Variants in ADGRL2 observed in about 807,000 individuals in gnomAD.
ADGRL2 encodes the protein calcium-independent alpha-latrotoxin receptor 2.
In ADGRL2, 44 loss-of-function variants were observed where a neutral mutation model predicts 157.4. The observed-to-expected ratio is 0.28, with a 90% CI of 0.22 to 0.36. ADGRL2 has a LOEUF of 0.36. Among genes scored for constraint, ADGRL2 ranks in the 10% least tolerant of loss-of-function variants. ADGRL2 has a pLI of 1.00. For synonymous variants in ADGRL2, 585 were observed against 624.7 expected, an observed-to-expected ratio of 0.94 and a Z score of 0.95; for missense variants, 1,510 against 1,768.9, an observed-to-expected ratio of 0.85 and a Z score of 2.63.
chr1:81,654,772 G>T (rs960167471), intron 3 of ADGRL2, among the ~76,000 whole-genome samples: 1 of 152,146 alleles, frequency 6.6e-6, no homozygotes, highest in East Asian at 1.9e-4. Context: ...AATCTATGAA[G>T]TAGATGGCTG....
At chr1:81,525,324 C>CT (rs545415874) in intron 2 of ADGRL2, among the ~76,000 whole-genome samples, 13,593 of 146,240 alleles carry the variant, frequency 0.093, 684 homozygotes, top group South Asian at 0.12. Context: ...CCAAAGTGCA[C>CT]TTTTTTTTTT....
intron 2 of ADGRL2, among the ~76,000 whole-genome samples, chr1:81,538,117 T>C (rs1233176860): frequency 6.6e-6 from 1 of 152,174 alleles, no homozygotes; most frequent in Non-Finnish European, 1.5e-5. Context: ...TGGGCTTGGG[T>C]ATTTAACAAG....
chr1:81,335,683 T>C, intron 1 of ADGRL2, among the ~76,000 whole-genome samples: 1 of 152,174 alleles, frequency 6.6e-6, no homozygotes, highest in East Asian at 1.9e-4. Flanking sequence ...AAATCAGTCT[T>C]GGAAGGAGGA....
chr1:81,683,510 C>T (rs557381387), intron 3 of ADGRL2, among the ~76,000 whole-genome samples: 4 of 152,290 alleles, frequency 2.6e-5, no homozygotes, highest in South Asian at 2.1e-4. Context: ...GTCCTCATAG[C>T]TTAGCTCCCA....
intron 2 of ADGRL2, among the ~76,000 whole-genome samples, chr1:81,892,850 A>G (rs905793351): frequency 2.0e-5 from 3 of 152,212 alleles, no homozygotes; most frequent in Non-Finnish European, 4.4e-5. Flanking sequence ...TGGGAACACT[A>G]GTAGTCCAAC....
chr1:81,620,516 C>A (rs569013765), intron 3 of ADGRL2, among the ~76,000 whole-genome samples: 11 of 152,232 alleles, frequency 7.2e-5, no homozygotes, highest in African/African-American at 2.6e-4. Context: ...AACACTCCAC[C>A]ATAACATATT....
intron 3 of ADGRL2, among the ~76,000 whole-genome samples, chr1:81,648,057 G>C (rs1044405541): frequency 6.6e-6 from 1 of 152,152 alleles, no homozygotes; most frequent in African/African-American, 2.4e-5. Context: ...ACCAAATGTG[G>C]GAGATGATAG....
At chr1:81,900,535 GA>G (rs5775647) in intron 2 of ADGRL2, among the ~76,000 whole-genome samples, 91,027 of 150,760 alleles carry the variant, frequency 0.6, 28,799 homozygotes, top group African/African-American at 0.78. Context: ...ACACTGTAGG[GA>G]AAAAAAAAAA....
intron 2 of ADGRL2, among the ~76,000 whole-genome samples, chr1:81,537,909 A>C (rs904524285): frequency 6.6e-6 from 1 of 152,054 alleles, no homozygotes; most frequent in Non-Finnish European, 1.5e-5. Context: ...CATGTTGGCC[A>C]AGCTGGTCTC....
At chr1:81,629,022 A>G (rs895524198) in intron 3 of ADGRL2, among the ~76,000 whole-genome samples, 4 of 152,190 alleles carry the variant, frequency 2.6e-5, no homozygotes, top group Non-Finnish European at 5.9e-5. Context: ...GGAGAAAGTC[A>G]TCCTTATACC....
At chr1:81,900,889 G>GA (rs542368716) in intron 2 of ADGRL2, among the ~76,000 whole-genome samples, 85 of 152,128 alleles carry the variant, frequency 5.6e-4, no homozygotes, top group Non-Finnish European at 1.0e-3. Flanking sequence ...AGACAGAGGT[G>GA]ATATCTAGGA....
At chr1:81,705,062 T>G (rs772443306) in intron 1 of ADGRL2, among the ~76,000 whole-genome samples, 2 of 152,172 alleles carry the variant, frequency 1.3e-5, no homozygotes, top group African/African-American at 2.4e-5. Context: ...ATTTATTTAT[T>G]TATTTATTGA....
Position 81,936,767 on chromosome 1 carries a change from A to G in ADGRL2, c.327A>G (p.Ser109=). ...CACAGTGTATAGTAGTTACTGGGTCAGATGTGTTTCCTGATCCATGTCCTG... is the reference window on the plus strand; with the variant it reads ...CACAGTGTATAGTAGTTACTGGGTCGGATGTGTTTCCTGATCCATGTCCTG... ...NRTQCIVVTG[S]DVFPDPCPGT... Residue 109 remains serine (S), a synonymous_variant, in exon 4 of 24, where the codon TCA becomes TCG. Transcript: ENST00000686636. 2 of 1,612,180 alleles carry G rather than the reference A, an allele frequency of 1.2e-6. No individual in the cohort carries two copies. Among genetic ancestry groups the G allele is most frequent in the Non-Finnish European group, 1.7e-6 (2 of 1,178,548 alleles).
intron 2 of ADGRL2, among the ~76,000 whole-genome samples, chr1:81,517,411 G>C (rs941375004): frequency 5.4e-5 from 8 of 147,354 alleles, no homozygotes; most frequent in African/African-American, 2.0e-4. Flanking sequence ...GTTGCAGTGA[G>C]CGGAGATCAT....
At chr1:81,590,601 C>T (rs1015940854) in intron 3 of ADGRL2, among the ~76,000 whole-genome samples, 3 of 152,264 alleles carry the variant, frequency 2.0e-5, no homozygotes, top group African/African-American at 7.2e-5. Context: ...ATGTTGGAAT[C>T]TCTCTGATCA....
intron 1 of ADGRL2, among the ~76,000 whole-genome samples, chr1:81,740,070 T>C (rs557112457): frequency 6.6e-6 from 1 of 152,170 alleles, no homozygotes; most frequent in Non-Finnish European, 1.5e-5. Flanking sequence ...AATATTATGA[T>C]GTCAAAGGAA....
At chr1:81,343,958 T>A (rs2100783191) in intron 1 of ADGRL2, among the ~76,000 whole-genome samples, 1 of 152,290 alleles carries the variant, frequency 6.6e-6, no homozygotes, top group Middle Eastern at 3.4e-3. Context: ...AGGTGGCAAA[T>A]AATTATGTGG....
chr1:81,455,519 C>T (rs529372587), intron 2 of ADGRL2, among the ~76,000 whole-genome samples: 2 of 152,248 alleles, frequency 1.3e-5, no homozygotes, highest in South Asian at 4.1e-4. Flanking sequence ...ATCTGTGCTC[C>T]ATTGAAAAAC....
At chr1:81,705,938 C>T (rs779035422) in intron 1 of ADGRL2, among the ~76,000 whole-genome samples, 12 of 151,844 alleles carry the variant, frequency 7.9e-5, no homozygotes, top group Non-Finnish European at 1.6e-4. Flanking sequence ...GGGCCAGGCG[C>T]GGTGGCTCAT....
Sources: gnomAD v4.1 joint callset for allele counts (sites outside exome capture counted in the v4.1 genomes callset) on GRCh38, gnomAD v4.1.1 for gene constraint, MANE v1.5 for transcripts, NCBI Gene and HGNC (gene_info 2026-07-23, HGNC 2026-07-21) for gene names.